The following DOCK8 variants were observed in gnomAD, a reference collection of about 807,000 sequenced individuals.
The protein encoded by DOCK8 is dedicator of cytokinesis 8.
Under a neutral mutation model 245.6 loss-of-function variants are expected in DOCK8, and 141 were observed. The observed-to-expected ratio is 0.57, with a 90% CI of 0.50 to 0.66. DOCK8 has a LOEUF of 0.66. DOCK8 is among the 30% of genes least tolerant of loss of function. DOCK8 has a pLI of 0.00. For synonymous variants in DOCK8, 1,168 were observed against 970.2 expected (o/e 1.20, Z -3.79); for missense variants, 2,965 against 2,603.4 (o/e 1.14, Z -3.02).
At chr9:453,574 G>A (rs1316381990) in intron 46 of DOCK8, among the ~76,000 whole-genome samples, 1 of 152,120 alleles carries the variant, frequency 6.6e-6, no homozygotes, top group Non-Finnish European at 1.5e-5. Context: ...CTACAGACGT[G>A]TGCCACCACA....
chr9:361,863 A>G (rs2052747442), intron 14 of DOCK8, among the ~76,000 whole-genome samples: 1 of 152,174 alleles, frequency 6.6e-6, no homozygotes, highest in Non-Finnish European at 1.5e-5. Context: ...GCTAACCTTC[A>G]TGCATATTCA....
intron 1 of DOCK8, among the ~76,000 whole-genome samples, chr9:216,684 C>G (rs909875388): frequency 6.6e-6 from 1 of 151,928 alleles, no homozygotes; most frequent in Non-Finnish European, 1.5e-5. Flanking sequence ...ACTGAAGTTA[C>G]TGATGGGTGT....
At chr9:285,808 C>T (rs10967998) in intron 2 of DOCK8, among the ~76,000 whole-genome samples, 6,064 of 152,164 alleles carry the variant, frequency 0.04, 266 homozygotes, top group African/African-American at 0.11. Flanking sequence ...TATGAAAACT[C>T]AGCAGATTGC....
intron 38 of DOCK8, 105 bp from the exon 39 acceptor site, chr9:434,678 A>G: frequency 8.5e-7 from 1 of 1,181,062 alleles, no homozygotes; most frequent in Non-Finnish European, 1.2e-6. Context: ...GTGGAGGGGT[A>G]CAGGGAACTC....
intron 12 of DOCK8, among the ~76,000 whole-genome samples, chr9:337,090 C>T (rs1007633769): frequency 9.2e-5 from 14 of 151,948 alleles, no homozygotes; most frequent in Admixed American, 3.9e-4. Flanking sequence ...CAGATTAATC[C>T]ATTAATCTGT....
At position 464,241 on chromosome 9, in the gene DOCK8, G is replaced by C; in HGVS notation, c.*22G>C. 1 of 1,607,984 alleles carries C rather than the reference G, an allele frequency of 6.2e-7. No individual in the cohort carries two copies. The highest frequency in any genetic ancestry group is 8.5e-7 in the Non-Finnish European group (1 of 1,174,464). The stretch of plus-strand genomic sequence containing the variant: ...CTAAGAAAAGCCATCTTCATTCGTG[G>C]AGACTGTGGCCCTGCAACCCTGGAG... On this transcript the variant is annotated 3_prime_UTR_variant, in exon 48 of 48. Coordinates refer to ENST00000432829, the MANE Select transcript of DOCK8 (RefSeq NM_203447.4).
At chr9:404,714 A>G (rs2055331743) in intron 26 of DOCK8, among the ~76,000 whole-genome samples, 1 of 152,348 alleles carries the variant, frequency 6.6e-6, no homozygotes. Flanking sequence ...CTACTAGGCT[A>G]GAATCACTAA....
At chr9:422,203 T>A in intron 33 of DOCK8, 68 bp downstream of exon 33, 1 of 1,336,100 alleles carries the variant, frequency 7.5e-7, no homozygotes, top group Non-Finnish European at 1.1e-6. Flanking sequence ...AGGCTGCTTG[T>A]ATTACTGAAA....
At chr9:330,682 T>A (rs2050970363) in intron 9 of DOCK8, among the ~76,000 whole-genome samples, 1 of 152,212 alleles carries the variant, frequency 6.6e-6, no homozygotes, top group Non-Finnish European at 1.5e-5. Flanking sequence ...ATGCCAAGTG[T>A]TAATCCTACC....
intron 1 of DOCK8, among the ~76,000 whole-genome samples, chr9:262,031 G>GAAAGAAAGAA (rs149265145): frequency 0.013 from 1,840 of 146,310 alleles, 34 homozygotes; most frequent in African/African-American, 0.041. Context: ...AAGAAAGAAA[G>GAAAGAAAGAA]AAAGACACCG....
chr9:228,664 C>T (rs1050431308), intron 1 of DOCK8, among the ~76,000 whole-genome samples: 7 of 152,080 alleles, frequency 4.6e-5, no homozygotes, highest in South Asian at 2.1e-4. Flanking sequence ...TTTTGTTTTA[C>T]GCTATCCAGT....
At position 332,902 on chromosome 9, in the gene DOCK8, C is replaced by T. The variant is rs566436307; in HGVS notation, c.1125+424C>T. On this transcript the variant is annotated intron_variant, in intron 10 of 47. Transcript: ENST00000432829. ...CATAATTCTGGCCTCAAGTGATTCTCCTGCCTCAGCCTCCCAAAGTGTTGG... is the reference window on the plus strand; with the variant it reads ...CATAATTCTGGCCTCAAGTGATTCTTCTGCCTCAGCCTCCCAAAGTGTTGG... Among the ~76,000 whole-genome samples, 3 of 152,168 alleles carry T rather than the reference C, an allele frequency of 2.0e-5. No individual in the cohort carries two copies. The South Asian group carries it at 6.2e-4, about 32-fold the overall frequency.
chr9:214,451 G>A (rs1281572763), upstream of DOCK8: 36 of 1,562,862 alleles, frequency 2.3e-5, no homozygotes, highest in Non-Finnish European at 2.8e-5. Context: ...TAACTTTTTT[G>A]TCTTTTTTTT....
intron 10 of DOCK8, among the ~76,000 whole-genome samples, chr9:332,696 C>G (rs2051078763): frequency 8.5e-6 from 1 of 117,492 alleles, no homozygotes; most frequent in Non-Finnish European, 1.7e-5. Flanking sequence ...CTTACTTTAT[C>G]TCCCAGGCTG....
At chr9:360,414 T>TTTCC (rs1487731942) in intron 14 of DOCK8, among the ~76,000 whole-genome samples, 1 of 152,132 alleles carries the variant, frequency 6.6e-6, no homozygotes, top group Admixed American at 6.5e-5. Flanking sequence ...ATTTTTAAGA[T>TTTCC]TTCCCTAAGC....
chr9:304,661 C>T lies in DOCK8; in HGVS notation c.485C>T (p.Thr162Met), dbSNP rs368835870. Residue 162 changes from threonine to methionine, a missense_variant, in exon 5 of 48, where the codon ACG becomes ATG. Physicochemically the swap from Thr to Met is moderately conservative, Grantham distance 81 (BLOSUM62 -1). Around this residue, in one of 3 missense-constraint regions of DOCK8, gnomAD observed 2,825 missense variants for 2,453.5 expected, o/e 1.15. Transcript: ENST00000432829. ...KDFHKTLPKQ[T>M]FESETLECSE... ...TTTCACAAGACGCTTCCGAAACAGACGTTTGAGTCGGAAACCTTGGAGTGC... is the reference window on the plus strand; with the variant it reads ...TTTCACAAGACGCTTCCGAAACAGATGTTTGAGTCGGAAACCTTGGAGTGC... 6.3e-5 allele frequency: 102 copies of T among 1,614,080 alleles called. No homozygotes were observed. The highest frequency in any genetic ancestry group is 9.3e-5 in the African/African-American group (7 of 74,932).
At chr9:315,192 TGAAA>T (rs1160546597) in intron 6 of DOCK8, among the ~76,000 whole-genome samples, 2 of 152,326 alleles carry the variant, frequency 1.3e-5, no homozygotes, top group Non-Finnish European at 2.9e-5. Context: ...GGAGAGTAAA[TGAAA>T]GAATATCATC....
At chr9:294,996 C>G (rs974585296) in intron 4 of DOCK8, among the ~76,000 whole-genome samples, 8 of 152,064 alleles carry the variant, frequency 5.3e-5, no homozygotes, top group African/African-American at 1.9e-4. Context: ...CCCGTCTCTA[C>G]TAAAACTACA....
chr9:424,395 T>C (rs2056402494), intron 33 of DOCK8, among the ~76,000 whole-genome samples: 1 of 151,962 alleles, frequency 6.6e-6, no homozygotes, highest in Non-Finnish European at 1.5e-5. Context: ...GATGGTAAGC[T>C]TTTCTTTTCT....
Sources: allele counts gnomAD v4.1 joint callset (sites outside exome capture counted in the v4.1 genomes callset), GRCh38; gene constraint gnomAD v4.1.1; regional missense constraint gnomAD v4.1.1; transcripts MANE v1.5; gene names NCBI Gene and HGNC (gene_info 2026-07-23, HGNC 2026-07-21).